CDH22: variants seen among roughly 807,000 people sequenced by gnomAD.
The protein encoded by CDH22 is cadherin 22.
CDH22 carries 30 observed loss-of-function variants against 58.4 expected under a neutral mutation model. The observed-to-expected ratio is 0.51, with a 90% CI of 0.38 to 0.70. CDH22 has a LOEUF of 0.70. Ranked by LOEUF, CDH22 falls within the 30% of genes least tolerant of loss-of-function variation. CDH22 has a pLI of 0.00. For missense variants in CDH22, 1,014 were observed against 1,233.9 expected, an observed-to-expected ratio of 0.82 and a Z score of 2.67; for synonymous variants, 513 against 558.2, an observed-to-expected ratio of 0.92 and a Z score of 1.14.
chr20:46,185,421 G>A (rs1446158491), intron 10 of CDH22, among the ~76,000 whole-genome samples: 3 of 152,100 alleles, frequency 2.0e-5, no homozygotes, highest in Non-Finnish European at 4.4e-5. Flanking sequence ...ACTGGACTTG[G>A]GATGGGGTTG....
intron 7 of CDH22, among the ~76,000 whole-genome samples, chr20:46,200,721 T>G (rs989601446): frequency 6.6e-6 from 1 of 152,058 alleles, no homozygotes; most frequent in Non-Finnish European, 1.5e-5. Context: ...TGGCAAACAC[T>G]GCAAAATGGT....
chr20:46,239,112 T>C lies in CDH22; in HGVS notation c.550+1851A>G, dbSNP rs887269351. The stretch of plus-strand genomic sequence containing the variant: ...AAGCCTTACTGGACCAATGATCTAG[T>C]TGTTCACTTGCTTATTGTCTGTCTT... On this transcript the variant is annotated intron_variant, in intron 3 of 11. Transcript: ENST00000537909. Among the ~76,000 whole-genome samples, 8 of 152,216 alleles carry C rather than the reference T, an allele frequency of 5.3e-5. No homozygotes were observed. The South Asian group carries it at 1.7e-3, about 31-fold the overall frequency.
chr20:46,200,644 T>C (rs1292968436), intron 7 of CDH22, among the ~76,000 whole-genome samples: 1 of 151,958 alleles, frequency 6.6e-6, no homozygotes, highest in Non-Finnish European at 1.5e-5. Context: ...ACCGGGAGTG[T>C]GGGTGGCGTT....
intron 10 of CDH22, among the ~76,000 whole-genome samples, chr20:46,182,007 G>A (rs546209224): frequency 8.9e-4 from 135 of 151,734 alleles, no homozygotes; most frequent in South Asian, 1.5e-3. Flanking sequence ...TAGTAGAGAC[G>A]GGGTTTCATG....
intron 7 of CDH22, among the ~76,000 whole-genome samples, chr20:46,205,945 G>A (rs557735048): frequency 2.8e-4 from 43 of 152,116 alleles, no homozygotes; most frequent in Non-Finnish European, 7.4e-5. Flanking sequence ...TGTCCTCTTC[G>A]TCCCCTTGCA....
At chr20:46,278,334 T>C (rs1568681687) in intron 1 of CDH22, among the ~76,000 whole-genome samples, 1 of 152,128 alleles carries the variant, frequency 6.6e-6, no homozygotes, top group Non-Finnish European at 1.5e-5. Context: ...TTGCATGACC[T>C]TCAGTGAGTC....
intron 7 of CDH22, among the ~76,000 whole-genome samples, chr20:46,207,468 G>T (rs537105469): frequency 6.6e-6 from 1 of 152,196 alleles, no homozygotes; most frequent in African/African-American, 2.4e-5. Context: ...AGAGGTGACA[G>T]TGCCCTTCCT....
Position 46,227,546 on chromosome 20 carries a change from A to G in CDH22, c.632T>C (p.Leu211Pro). Residue 211 changes from leucine (L) to proline (P), a missense_variant, in exon 4 of 12, where the codon CTG becomes CCG. By Grantham distance (98) the Leu-to-Pro change is moderately conservative (BLOSUM62 -3). This residue lies in a region of CDH22 where 806 missense variants were observed against 1,038.7 expected (regional missense o/e 0.78). Coordinates refer to ENST00000537909, the MANE Select transcript of CDH22 (RefSeq NM_021248.3). Reference protein sequence around the residue: ...GSSARLVYSVLDGEHHFTVDP... With the variant: ...GSSARLVYSVPDGEHHFTVDP... ...CACGGTGAAGTGGTGCTCGCCGTCC[A>G]GCACGCTGTACACCAGCCGAGCGCT... 6.4e-7 allele frequency: 1 copy of G among 1,568,098 alleles called. No individual in the cohort carries two copies. The highest frequency in any genetic ancestry group is 8.7e-7 in the Non-Finnish European group (1 of 1,153,354).
In CDH22 at chr20:46,208,558, AG is replaced by A. The variant is rs532937696; in HGVS notation, c.1286+1748del. 3.7e-3 allele frequency among the ~76,000 whole-genome samples: 553 copies of A among 150,578 alleles called. 8 individuals carry two copies. The highest frequency in any genetic ancestry group is 0.013 in the African/African-American group (533 of 40,936). ...AGTCTGTTTTTCTGCCTCTTTTTTC[AG>A]TCTTTATTTTTATTTTTTAGTTTAT... On this transcript the variant is annotated intron_variant, in intron 7 of 11. Coordinates refer to ENST00000537909, the MANE Select transcript of CDH22 (RefSeq NM_021248.3).
chr20:46,177,027 G>A (rs912787728), intron 11 of CDH22, among the ~76,000 whole-genome samples: 3 of 152,216 alleles, frequency 2.0e-5, no homozygotes, highest in African/African-American at 4.8e-5. Context: ...GGGCTAGGGT[G>A]GGGGGAGAAG....
At chr20:46,278,489 G>C (rs188081117) in intron 1 of CDH22, among the ~76,000 whole-genome samples, 116 of 152,286 alleles carry the variant, frequency 7.6e-4, no homozygotes, top group African/African-American at 2.6e-3. Flanking sequence ...ACTCAGGATG[G>C]GCCTTCTGAC....
chr20:46,255,456 G>T (rs2086401704), intron 1 of CDH22, among the ~76,000 whole-genome samples: 1 of 152,236 alleles, frequency 6.6e-6, no homozygotes, highest in Non-Finnish European at 1.5e-5. Flanking sequence ...TGCACCTCTA[G>T]GTGAATGCAA....
chr20:46,176,291 GA>G, intron 11 of CDH22, among the ~76,000 whole-genome samples: 1 of 152,296 alleles, frequency 6.6e-6, no homozygotes, highest in Non-Finnish European at 1.5e-5. Context: ...CTGAAATCTA[GA>G]TTGTACATTC....
In CDH22 at chr20:46,216,736, G is replaced by T; in HGVS notation, c.838+90C>A. 8.0e-7 allele frequency: 1 copy of T among 1,244,018 alleles called. No individual in the cohort carries two copies. Among genetic ancestry groups the T allele is most frequent in the Non-Finnish European group, 1.1e-6 (1 of 871,974 alleles). The allele number at this position is 1,244,018 out of a possible 1,614,324, so 77.1% of individuals were successfully genotyped here. On this transcript the variant is annotated intron_variant, in intron 5 of 11. Transcript: ENST00000537909. The surrounding 1 kb of genome is among the most constrained non-coding windows in gnomAD (Gnocchi z 5.3). ...GGGGAAGCCCTTCTTTTGGTGGGAAGTCTAAAGGGAAGCTGGGGTCAGCAG... is the reference window on the plus strand; with the variant it reads ...GGGGAAGCCCTTCTTTTGGTGGGAATTCTAAAGGGAAGCTGGGGTCAGCAG...
intron 1 of CDH22, among the ~76,000 whole-genome samples, chr20:46,259,354 A>C (rs1396258446): frequency 2.0e-5 from 3 of 152,194 alleles, no homozygotes; most frequent in African/African-American, 7.2e-5. Context: ...TTTCACAAAT[A>C]AGCCTTAACA....
intron 8 of CDH22, among the ~76,000 whole-genome samples, chr20:46,188,779 G>A (rs1432273828): frequency 1.3e-5 from 2 of 152,136 alleles, no homozygotes; most frequent in Non-Finnish European, 2.9e-5. Flanking sequence ...GCTCACTGGT[G>A]CTCCATCCTC....
chr20:46,200,180 T>A (rs1026546894), intron 7 of CDH22, among the ~76,000 whole-genome samples: 24 of 151,778 alleles, frequency 1.6e-4, no homozygotes, highest in South Asian at 6.2e-4. Context: ...TTCACCGTGT[T>A]AGCCAGGATG....
chr20:46,222,825 C>A (rs151131140), intron 4 of CDH22, among the ~76,000 whole-genome samples: 186 of 152,388 alleles, frequency 1.2e-3, no homozygotes, highest in Middle Eastern at 6.8e-3. Flanking sequence ...TGGGGCCTCG[C>A]GGCGCCCCGC....
At chr20:46,280,936 A>G (rs2086548279) in intron 1 of CDH22, among the ~76,000 whole-genome samples, 1 of 152,218 alleles carries the variant, frequency 6.6e-6, no homozygotes. Flanking sequence ...AACACAAAGT[A>G]GGTTCTCAGG....
Sources: gnomAD v4.1 joint callset for allele counts (sites outside exome capture counted in the v4.1 genomes callset) on GRCh38, gnomAD v4.1.1 for gene constraint, gnomAD v4.1.1 regional missense constraint, Gnocchi (gnomAD v3.1) non-coding constraint, MANE v1.5 for transcripts, NCBI Gene and HGNC (gene_info 2026-07-23, HGNC 2026-07-21) for gene names.